The following CCT5 variants were observed in gnomAD, a reference collection of about 807,000 sequenced individuals.
CCT5 encodes T-complex protein 1 subunit epsilon.
CCT5 carries 6 observed loss-of-function variants against 55.0 expected under a neutral mutation model. That is an observed-to-expected ratio of 0.11 (90% CI 0.06 to 0.22). The LOEUF is 0.22. Ranked by LOEUF, CCT5 falls within the 10% of genes least tolerant of loss-of-function variation. CCT5 has a pLI of 1.00. For missense variants in CCT5, 560 were observed against 694.6 expected (o/e 0.81, Z 2.18); for synonymous variants, 231 against 243.7 (o/e 0.95, Z 0.49).
Position 10,266,189 on chromosome 5 carries a change from C to G in CCT5, c.*1406C>G, listed in dbSNP as rs1468720902. 8 of 152,210 alleles carry G rather than the reference C, an allele frequency of 5.3e-5. No homozygotes were observed. The highest frequency in any genetic ancestry group is 1.5e-5 in the Non-Finnish European group (1 of 68,044). 9.4% of individuals were successfully genotyped at this position (152,210 alleles called of 1,614,324 possible). ...CCTACAGAGAACATACAGCAGCCTT[C>G]TTTGGACCACAGTCTTATCCGAGGG... On this transcript the variant is annotated 3_prime_UTR_variant, in exon 11 of 11. Coordinates refer to ENST00000280326, the MANE Select transcript of CCT5 (RefSeq NM_012073.5).
At chr5:10,251,197 A>G (rs979698000) in intron 1 of CCT5, among the ~76,000 whole-genome samples, 3 of 152,212 alleles carry the variant, frequency 2.0e-5, no homozygotes, top group Non-Finnish European at 2.9e-5. Flanking sequence ...TTTAACTTAC[A>G]ATAGTTCCCG....
rs1319522983 is a variant in CCT5, at chr5:10,263,158, A to G, written c.1342A>G (p.Met448Val). The change falls in exon 10 of 11, where the codon ATG (methionine) becomes GTG (valine). Residue 448 changes from methionine (M) to valine (V), a missense_variant. Met to Val is a conservative substitution (Grantham distance 21). This residue lies in a region of CCT5 where 256 missense variants were observed against 372.4 expected (regional missense o/e 0.69). Transcript: ENST00000280326. ...GTGCCCCACCTTAGAACAGTATGCC[A>G]TGAGAGCGTTTGCCGACGCACTGGA... is the stretch of plus-strand genomic sequence containing the variant. ...DKCPTLEQYA[M>V]RAFADALEVI... The G allele has an allele frequency of 6.2e-6, 10 of 1,614,206 alleles. No homozygotes were observed. The highest frequency in any genetic ancestry group is 8.5e-6 in the Non-Finnish European group (10 of 1,180,028).
intron 10 of CCT5, among the ~76,000 whole-genome samples, chr5:10,264,205 G>A (rs776162052): frequency 3.3e-5 from 5 of 152,130 alleles, no homozygotes; most frequent in African/African-American, 9.6e-5. Context: ...AACCCGGGAC[G>A]CAGAGGTTCC....
chr5:10,258,683 G>A, intron 6 of CCT5, 148 bp downstream of exon 6: 1 of 761,358 alleles, frequency 1.3e-6, no homozygotes, highest in Non-Finnish European at 2.2e-6. Context: ...AAACAGGGAA[G>A]AATTCTAATT....
At chr5:10,264,377 A>C (rs767676111) in intron 10 of CCT5, among the ~76,000 whole-genome samples, 1 of 152,216 alleles carries the variant, frequency 6.6e-6, no homozygotes, top group Non-Finnish European at 1.5e-5. Context: ...ACTTTGTGGG[A>C]TAAGATGTTC....
In CCT5 at chr5:10,261,565, T is replaced by C. The variant is rs761152363; in HGVS notation, c.999T>C (p.Ile333=). ...RWVGGPEIEL[I]AIATGGRIVP... The stretch of plus-strand genomic sequence containing the variant: ...TCCCTGACCACCCCAATTAGCTGAT[T>C]GCCATCGCAACAGGAGGGCGGATCG... Residue 333 remains isoleucine, a synonymous_variant, in exon 8 of 11, where the codon ATT becomes ATC. Coordinates refer to ENST00000280326, the MANE Select transcript of CCT5 (RefSeq NM_012073.5). 1.2e-6 allele frequency: 2 copies of C among 1,614,112 alleles called. No homozygotes were observed. The highest frequency in any genetic ancestry group is 4.5e-5 in the East Asian group (2 of 44,884).
At position 10,255,164 on chromosome 5, in the gene CCT5, T is replaced by G. The variant is rs547590881; in HGVS notation, c.331+326T>G. The G allele has an allele frequency of 5.0e-4, 187 of 372,120 alleles. 2 individuals are homozygous for G. Among genetic ancestry groups the G allele is most frequent in the South Asian group, 4.1e-3 (180 of 43,628 alleles). 23.1% of individuals were successfully genotyped at this position (372,120 alleles called of 1,614,324 possible). A position where few individuals can be genotyped will look rare whatever the true frequency, so the allele number is the denominator to read the frequency against. On this transcript the variant is annotated intron_variant, in intron 3 of 10. Coordinates refer to ENST00000280326, the MANE Select transcript of CCT5 (RefSeq NM_012073.5). ...TCATGTACTGCAATGCTGAGTTTCC[T>G]GAGTGATCTGTGACCATTATATTGC...
chr5:10,250,845 C>T (rs1201538265), intron 1 of CCT5: 2 of 1,057,218 alleles, frequency 1.9e-6, no homozygotes, highest in East Asian at 8.6e-5. Flanking sequence ...CTTAACCTTT[C>T]GCTGGTCCAC....
In CCT5 at chr5:10,254,252, A is replaced by G. The variant is rs556294617; in HGVS notation, c.166+47A>G. 11 of 1,290,360 alleles carry G rather than the reference A, an allele frequency of 8.5e-6. 1 individual carries two copies. The Middle Eastern group carries it at 7.6e-4, about 90-fold the overall frequency. 79.9% of individuals were successfully genotyped at this position (1,290,360 alleles called of 1,614,324 possible). On this transcript the variant is annotated intron_variant, in intron 2 of 10. Transcript: ENST00000280326. ...TTTTTTAGCAAAAGATTTAAATTATAAAACTGTCAATATAAACCTCTCTAC... is the reference window on the plus strand; with the variant it reads ...TTTTTTAGCAAAAGATTTAAATTATGAAACTGTCAATATAAACCTCTCTAC...
intron 6 of CCT5, 110 bp downstream of exon 6, chr5:10,258,645 GA>G: frequency 9.8e-7 from 1 of 1,024,014 alleles, no homozygotes; most frequent in South Asian, 1.3e-5. Context: ...ACATACACAG[GA>G]AAAAACCAAA....
rs771307325 is a variant in CCT5 at position 10,262,510 on chromosome 5, C to T, written c.1209C>T (p.His403=). The T allele has an allele frequency of 1.2e-5, 20 of 1,614,114 alleles. No homozygotes were observed. Among genetic ancestry groups the T allele is most frequent in the South Asian group, 2.2e-5 (2 of 91,090 alleles). Residue 403 remains histidine, a synonymous_variant, in exon 9 of 11, where the codon CAC becomes CAT. Transcript: ENST00000280326. ...TTGAGGAGGCGAAACGATCCCTTCACGATGCTTTGTGTGTCATCCGGAACC... is the reference window on the plus strand; with the variant it reads ...TTGAGGAGGCGAAACGATCCCTTCATGATGCTTTGTGTGTCATCCGGAACC... ...MIIEEAKRSL[H]DALCVIRNLI...
chr5:10,254,272 C>T, intron 2 of CCT5, 67 bp downstream of exon 2: 2 of 1,137,950 alleles, frequency 1.8e-6, no homozygotes, highest in Non-Finnish European at 2.7e-6. Flanking sequence ...ATATAAACCT[C>T]TCTACAGAAA....
At position 10,263,218 on chromosome 5, in the gene CCT5, A is replaced by G. The variant is rs140347348; in HGVS notation, c.1402A>G (p.Met468Val). ...IPMALSENSG[M>V]NPIQTMTEVR... ...CATGGCCCTCTCTGAAAACAGTGGC[A>G]TGAATCCCATCCAGACTATGACCGA... Residue 468 changes from methionine to valine, a missense_variant, in exon 10 of 11, where the codon ATG becomes GTG. By Grantham distance (21) the Met-to-Val change is conservative. Coordinates refer to ENST00000280326, the MANE Select transcript of CCT5 (RefSeq NM_012073.5). The G allele has an allele frequency of 6.2e-7, 1 of 1,614,190 alleles. No homozygotes were observed. The highest frequency in any genetic ancestry group is 8.5e-7 in the Non-Finnish European group (1 of 1,180,024).
At chr5:10,252,065 G>A (rs1055692529) in intron 1 of CCT5, among the ~76,000 whole-genome samples, 1 of 152,226 alleles carries the variant, frequency 6.6e-6, no homozygotes, top group African/African-American at 2.4e-5. Context: ...CAAAGCCAGT[G>A]GTCTAGAGCA....
chr5:10,258,060 G>C, intron 4 of CCT5, 51 bp from the exon 5 acceptor site: 3 of 1,568,348 alleles, frequency 1.9e-6, no homozygotes, highest in Admixed American at 3.4e-5. Context: ...GCCTGCTTTG[G>C]TTGCAGTAAT....
In CCT5 at chr5:10,264,860, A is replaced by C; in HGVS notation, c.*77A>C. On this transcript the variant is annotated 3_prime_UTR_variant, in exon 11 of 11. Transcript: ENST00000280326. ...GATGTCTCGTGATGCATCTACAGTT[A>C]TTTATTGTTACATCCTTTTCCAGAC... 2 of 1,573,482 alleles carry C rather than the reference A, an allele frequency of 1.3e-6. No homozygotes were observed. Among genetic ancestry groups the C allele is most frequent in the Non-Finnish European group, 1.7e-6 (2 of 1,146,758 alleles).
At chr5:10,250,887 C>CG in intron 1 of CCT5, 1 of 1,038,842 alleles carries the variant, frequency 9.6e-7, no homozygotes, top group East Asian at 9.5e-5. Flanking sequence ...CTTTGTCACT[C>CG]GTAAAGGTGT....
At chr5:10,250,812 A>G (rs1267780739) in intron 1 of CCT5, 9 of 1,122,992 alleles carry the variant, frequency 8.0e-6, no homozygotes, top group Non-Finnish European at 9.8e-6. Context: ...ATGCTCTGTC[A>G]CCTGTCGGTT....
chr5:10,261,473 G>A lies in CCT5; in HGVS notation c.994-87G>A, dbSNP rs747569772. 8.5e-6 allele frequency: 11 copies of A among 1,301,574 alleles called. No individual in the cohort carries two copies. In the African/African-American group the frequency reaches 1.3e-4, roughly 16 times the overall value. 80.6% of individuals were successfully genotyped at this position (1,301,574 alleles called of 1,614,324 possible). A position where few individuals can be genotyped will look rare whatever the true frequency, so the allele number is the denominator to read the frequency against. On this transcript the variant is annotated intron_variant, in intron 7 of 10. Coordinates refer to ENST00000280326, the MANE Select transcript of CCT5 (RefSeq NM_012073.5). ...AGTTCTAGTGAACAAGTTGGTCTTA[G>A]ATCAAGTTTTGCTCATTTGTGGCCC...
Sources: allele counts gnomAD v4.1 joint callset (sites outside exome capture counted in the v4.1 genomes callset), GRCh38; gene constraint gnomAD v4.1.1; regional missense constraint gnomAD v4.1.1; transcripts MANE v1.5; gene names NCBI Gene and HGNC (gene_info 2026-07-23, HGNC 2026-07-21).